The following DPYSL5 variants were observed in gnomAD, a reference collection of about 807,000 sequenced individuals.
DPYSL5 encodes dihydropyrimidinase-related protein 5.
In DPYSL5, 9 loss-of-function variants were observed where a neutral mutation model predicts 58.4. The observed-to-expected ratio is 0.15, with a 90% CI of 0.09 to 0.27. The LOEUF (loss-of-function observed/expected upper bound fraction) is 0.27, where lower values mean the gene tolerates loss of function less well. Among genes scored for constraint, DPYSL5 ranks in the 10% least tolerant of loss-of-function variants. The pLI is 1.00. For missense variants in DPYSL5, 499 were observed against 770.6 expected (o/e 0.65, Z 4.17); for synonymous variants, 293 against 301.9 (o/e 0.97, Z 0.31).
rs1665090668 is a variant in DPYSL5 at position 26,933,530 on chromosome 2, T to C, written c.790+197T>C. Reference sequence around the variant, plus strand: ...TTTAGTCTGCTAGAACATGAGCTTTTTCTTCTGCAAATTTGTATGCATAAC... The same window carrying C: ...TTTAGTCTGCTAGAACATGAGCTTTCTCTTCTGCAAATTTGTATGCATAAC... On this transcript the variant is annotated intron_variant, in intron 7 of 12. Transcript: ENST00000288699. This position sits in a 1 kb window ranked among gnomAD's most constrained non-coding sequence, Gnocchi z 4.2. 6.6e-6 allele frequency among the ~76,000 whole-genome samples: 1 copy of C among 152,240 alleles called. No individual in the cohort carries two copies. Among genetic ancestry groups the C allele is most frequent in the Non-Finnish European group, 1.5e-5 (1 of 68,048 alleles).
chr2:26,893,873 T>C (rs1370218149), intron 1 of DPYSL5, among the ~76,000 whole-genome samples: 1 of 152,046 alleles, frequency 6.6e-6, no homozygotes, highest in Non-Finnish European at 1.5e-5. Flanking sequence ...GGGCTTTATT[T>C]TACCTCAAGG....
intron 1 of DPYSL5, among the ~76,000 whole-genome samples, chr2:26,889,237 G>A (rs538620232): frequency 2.0e-4 from 31 of 152,028 alleles, no homozygotes; most frequent in Non-Finnish European, 2.5e-4. Context: ...ATCAACAATC[G>A]GTAAAACTAA....
intron 1 of DPYSL5, among the ~76,000 whole-genome samples, chr2:26,895,127 T>C (rs1289899534): frequency 6.6e-6 from 1 of 152,268 alleles, no homozygotes; most frequent in African/African-American, 2.4e-5. Context: ...CATGCAGTCT[T>C]GATTACTATA....
chr2:26,912,704 C>T (rs1489241934), intron 2 of DPYSL5, among the ~76,000 whole-genome samples: 1 of 152,230 alleles, frequency 6.6e-6, no homozygotes, highest in Non-Finnish European at 1.5e-5. Context: ...GTATTAAACA[C>T]AATGAATTTA....
At chr2:26,872,608 T>G (rs192176091) in intron 1 of DPYSL5, among the ~76,000 whole-genome samples, 3 of 152,168 alleles carry the variant, frequency 2.0e-5, no homozygotes, top group Non-Finnish European at 4.4e-5. Flanking sequence ...GAGAATTGCT[T>G]GAACCCAGGA....
intron 1 of DPYSL5, among the ~76,000 whole-genome samples, chr2:26,872,793 C>T (rs976328125): frequency 6.9e-6 from 1 of 145,580 alleles, no homozygotes; most frequent in Non-Finnish European, 1.5e-5. Flanking sequence ...TGGGCAACAG[C>T]GAGACTCTGT....
chr2:26,864,973 C>T (rs1666104959), intron 1 of DPYSL5, among the ~76,000 whole-genome samples: 1 of 152,212 alleles, frequency 6.6e-6, no homozygotes, highest in South Asian at 2.1e-4. Context: ...TCATCTACAT[C>T]CGTTCACAGA....
intron 8 of DPYSL5, among the ~76,000 whole-genome samples, chr2:26,935,208 T>C (rs1283631760): frequency 1.3e-5 from 2 of 152,102 alleles, no homozygotes. Flanking sequence ...TCTCCCCCTT[T>C]CCTTCCCACA....
chr2:26,881,571 T>TA (rs1663562425), intron 1 of DPYSL5, among the ~76,000 whole-genome samples: 1 of 152,160 alleles, frequency 6.6e-6, no homozygotes, highest in Non-Finnish European at 1.5e-5. Context: ...GTCAGGTCCG[T>TA]AAGAAAGACA....
chr2:26,900,543 T>C (rs1323891185), intron 2 of DPYSL5, among the ~76,000 whole-genome samples: 2 of 152,230 alleles, frequency 1.3e-5, no homozygotes, highest in Admixed American at 1.3e-4. Context: ...ATGAACATGT[T>C]CTTGTACACA....
intron 5 of DPYSL5, among the ~76,000 whole-genome samples, chr2:26,928,979 G>A (rs1664902174): frequency 6.6e-6 from 1 of 151,816 alleles, no homozygotes. Flanking sequence ...TTGAGCATCT[G>A]AGGAATACTT....
chr2:26,928,473 T>A (rs958985592), intron 5 of DPYSL5, 150 bp downstream of exon 5: 13 of 839,042 alleles, frequency 1.5e-5, no homozygotes, highest in Non-Finnish European at 9.4e-6. Context: ...GGTGGGTGGA[T>A]GGCTTGAACC....
chr2:26,945,133 A>C (rs2148179282), intron 12 of DPYSL5, among the ~76,000 whole-genome samples: 1 of 152,064 alleles, frequency 6.6e-6, no homozygotes, highest in Non-Finnish European at 1.5e-5. Context: ...GGTGCTCCAG[A>C]GATGCCCTGA....
intron 1 of DPYSL5, among the ~76,000 whole-genome samples, chr2:26,882,429 C>CTGTG (rs145178218): frequency 0.35 from 51,468 of 146,094 alleles, 9,160 homozygotes; most frequent in Admixed American, 0.49. Context: ...GTGTGTGTGT[C>CTGTG]TGTGTGTGTG....
Position 26,881,389 on chromosome 2 carries a change from CCTG to C in DPYSL5, c.-4-17105_-4-17103del, listed in dbSNP as rs571835763. Among the ~76,000 whole-genome samples, 19 of 152,290 alleles carry C rather than the reference CCTG, an allele frequency of 1.2e-4. No individual in the cohort carries two copies. In the East Asian group the frequency reaches 3.7e-3, roughly 29 times the overall value. Reference sequence around the variant, plus strand: ...CACCCCTGTGGCACAGTGCTTCCTGCCTGCCCCCGGGAGTCTCAGGATCAAGGT... The same window carrying C: ...CACCCCTGTGGCACAGTGCTTCCTGCCCCCCGGGAGTCTCAGGATCAAGGT... On this transcript the variant is annotated intron_variant, in intron 1 of 12. Transcript: ENST00000288699.
chr2:26,945,269 C>G (rs1395136334), intron 12 of DPYSL5, among the ~76,000 whole-genome samples: 2 of 151,728 alleles, frequency 1.3e-5, no homozygotes, highest in East Asian at 1.9e-4. Context: ...CTGACCTTCC[C>G]ACACCTTTCC....
intron 2 of DPYSL5, among the ~76,000 whole-genome samples, chr2:26,903,612 A>G (rs1664216079): frequency 6.6e-6 from 1 of 151,890 alleles, no homozygotes. Flanking sequence ...TGCCCATCCG[A>G]CCCTCACCTT....
intron 1 of DPYSL5, among the ~76,000 whole-genome samples, chr2:26,875,450 A>C (rs569966141): frequency 6.6e-6 from 1 of 152,334 alleles, no homozygotes; most frequent in East Asian, 1.9e-4. Flanking sequence ...TGACTCCCTG[A>C]GGAAGGTGAT....
In DPYSL5 at chr2:26,925,631, TC is replaced by T. The variant is rs1481329544; in HGVS notation, c.420+588del. On this transcript the variant is annotated intron_variant, in intron 3 of 12. Coordinates refer to ENST00000288699, the MANE Select transcript of DPYSL5 (RefSeq NM_020134.4). This position sits in a 1 kb window ranked among gnomAD's most constrained non-coding sequence, Gnocchi z 4.5. The stretch of plus-strand genomic sequence containing the variant: ...CCTTTCTCAGTTCAGCCTCTGTGCC[TC>T]CTTTGTGTCTGTGCCCCTGGCCTCT... Among the ~76,000 whole-genome samples the T allele has an allele frequency of 6.6e-6, 1 of 152,146 alleles. No homozygotes were observed.
Sources: allele counts gnomAD v4.1 joint callset (sites outside exome capture counted in the v4.1 genomes callset), GRCh38; gene constraint gnomAD v4.1.1; non-coding constraint Gnocchi (gnomAD v3.1); transcripts MANE v1.5; gene names NCBI Gene and HGNC (gene_info 2026-07-23, HGNC 2026-07-21).